Variants in ADGRV1 observed in about 807,000 individuals in gnomAD.
The protein encoded by ADGRV1 is adhesion G protein-coupled receptor V1, also known as G-protein coupled receptor 98.
ADGRV1 carries 359 observed loss-of-function variants against 596.2 expected under a neutral mutation model. The observed-to-expected ratio is 0.60, with a 90% CI of 0.55 to 0.66. The LOEUF (loss-of-function observed/expected upper bound fraction) is 0.66, where lower values mean the gene tolerates loss of function less well. Among genes scored for constraint, ADGRV1 ranks in the 30% least tolerant of loss-of-function variants. The pLI is 0.00. For missense variants in ADGRV1, 7,274 were observed against 7,575.6 expected, an observed-to-expected ratio of 0.96 and a Z score of 1.48; for synonymous variants, 2,681 against 2,679.2, an observed-to-expected ratio of 1.00 and a Z score of -0.02.
Position 90,900,517 on chromosome 5 carries a change from A to G in ADGRV1, c.17856+36660A>G, listed in dbSNP as rs143920885. Among the ~76,000 whole-genome samples, 1,244 of 152,236 alleles carry G rather than the reference A, an allele frequency of 8.2e-3. 11 individuals carry two copies. Among genetic ancestry groups the G allele is most frequent in the Non-Finnish European group, 0.013 (871 of 68,028 alleles). ...TGCTTTTTCATTTGCTTAGGTTTTT[A>G]AAATTTAAATAAATTGCCACAATTT... On this transcript the variant is annotated intron_variant, in intron 83 of 89. Transcript: ENST00000405460.
At chr5:90,672,784 T>C in intron 22 of ADGRV1, 62 bp downstream of exon 22, 1 of 1,230,786 alleles carries the variant, frequency 8.1e-7, no homozygotes, top group Non-Finnish European at 1.1e-6. Flanking sequence ...GAAGTGTTTG[T>C]TCTGTAATTT....
chr5:91,070,432 T>C (rs867776134), intron 85 of ADGRV1, among the ~76,000 whole-genome samples: 68 of 152,322 alleles, frequency 4.5e-4, no homozygotes, highest in African/African-American at 1.5e-3. Flanking sequence ...TTTGTAGATA[T>C]TATATTTTGG....
chr5:90,877,022 G>A (rs1472219329), intron 83 of ADGRV1, among the ~76,000 whole-genome samples: 1 of 152,192 alleles, frequency 6.6e-6, no homozygotes, highest in Admixed American at 6.5e-5. Flanking sequence ...TATAATAGCA[G>A]TCTGTACAGC....
chr5:90,610,912 G>T (rs1409953117), intron 1 of ADGRV1, among the ~76,000 whole-genome samples: 2 of 151,966 alleles, frequency 1.3e-5, no homozygotes, highest in African/African-American at 2.4e-5. Flanking sequence ...TTTCCAGACT[G>T]TGGGAGAACT....
chr5:90,900,393 TA>T (rs1282348133), intron 83 of ADGRV1, among the ~76,000 whole-genome samples: 4 of 151,970 alleles, frequency 2.6e-5, no homozygotes, highest in African/African-American at 9.7e-5. Flanking sequence ...TATAGGTTTG[TA>T]TATCAAAACA....
chr5:90,756,839 T>G, intron 56 of ADGRV1, 140 bp from the exon 57 acceptor site: 2 of 765,726 alleles, frequency 2.6e-6, no homozygotes, highest in Non-Finnish European at 4.1e-6. Context: ...GAAGACCTTT[T>G]ATGCATACTT....
At chr5:90,906,742 C>T (rs980204176) in intron 83 of ADGRV1, among the ~76,000 whole-genome samples, 1 of 151,940 alleles carries the variant, frequency 6.6e-6, no homozygotes, top group Non-Finnish European at 1.5e-5. Flanking sequence ...TATTGCTGCT[C>T]TCTTCTTTAT....
intron 76 of ADGRV1, among the ~76,000 whole-genome samples, chr5:90,828,009 GT>G (rs1764205353): frequency 6.6e-6 from 1 of 152,170 alleles, no homozygotes; most frequent in African/African-American, 2.4e-5. Flanking sequence ...GCTCCTTTGA[GT>G]TATGCCAGAT....
chr5:90,824,544 T>C (rs1397519730), intron 76 of ADGRV1, among the ~76,000 whole-genome samples: 1 of 152,258 alleles, frequency 6.6e-6, no homozygotes, highest in Non-Finnish European at 1.5e-5. Flanking sequence ...ATCACATCAT[T>C]GTTTTTTGCT....
At chr5:90,972,347 C>A (rs1176337077) in intron 84 of ADGRV1, among the ~76,000 whole-genome samples, 3 of 152,108 alleles carry the variant, frequency 2.0e-5, no homozygotes, top group African/African-American at 7.2e-5. Flanking sequence ...CTGCACCAAG[C>A]GGATCTAATA....
intron 85 of ADGRV1, among the ~76,000 whole-genome samples, chr5:91,047,091 A>G (rs1417492765): frequency 1.3e-5 from 2 of 152,182 alleles, no homozygotes; most frequent in African/African-American, 4.8e-5. Flanking sequence ...TACAACCACT[A>G]TGAAAAACAA....
intron 53 of ADGRV1, among the ~76,000 whole-genome samples, chr5:90,751,778 T>G (rs1015230462): frequency 6.6e-6 from 1 of 152,198 alleles, no homozygotes; most frequent in African/African-American, 2.4e-5. Flanking sequence ...GGTTTCTGTA[T>G]TATTTCAAAC....
chr5:90,601,092 G>GC (rs1761347061), intron 1 of ADGRV1, among the ~76,000 whole-genome samples: 1 of 152,030 alleles, frequency 6.6e-6, no homozygotes, highest in South Asian at 2.1e-4. Context: ...ACAATAATTA[G>GC]CCGGGCGTGG....
At chr5:90,677,857 C>G (rs528698698) in intron 25 of ADGRV1, among the ~76,000 whole-genome samples, 18 of 152,264 alleles carry the variant, frequency 1.2e-4, no homozygotes, top group African/African-American at 3.6e-4. Context: ...TACTCCTGGA[C>G]TCATATGTAG....
intron 85 of ADGRV1, among the ~76,000 whole-genome samples, chr5:91,018,661 A>G (rs77344893): frequency 0.012 from 1,804 of 152,126 alleles, 30 homozygotes; most frequent in African/African-American, 0.036. Context: ...TCCTTTTGTT[A>G]AATAGTCACA....
At chr5:91,141,733 T>A (rs1211533841) in intron 87 of ADGRV1, among the ~76,000 whole-genome samples, 1 of 152,194 alleles carries the variant, frequency 6.6e-6, no homozygotes, top group East Asian at 1.9e-4. Context: ...GCTAAGTCAT[T>A]GGTGATGCAA....
chr5:90,799,483 C>T (rs1277566898), intron 70 of ADGRV1, among the ~76,000 whole-genome samples: 5 of 152,110 alleles, frequency 3.3e-5, no homozygotes, highest in East Asian at 1.9e-4. Flanking sequence ...GAATTAATAT[C>T]GTTAAAATGG....
chr5:91,135,986 G>A (rs953372085), intron 87 of ADGRV1, among the ~76,000 whole-genome samples: 3 of 152,086 alleles, frequency 2.0e-5, no homozygotes, highest in South Asian at 2.1e-4. Context: ...ACAAGTCCAC[G>A]GGGCAAACCT....
intron 74 of ADGRV1, among the ~76,000 whole-genome samples, chr5:90,812,418 ATAATT>A (rs1762523995): frequency 1.3e-5 from 2 of 152,346 alleles, no homozygotes; most frequent in African/African-American, 2.4e-5. Flanking sequence ...GCAGTGTAGA[ATAATT>A]TAATCAAGCT....
Sources: allele counts gnomAD v4.1 joint callset (sites outside exome capture counted in the v4.1 genomes callset), GRCh38; gene constraint gnomAD v4.1.1; transcripts MANE v1.5; gene names NCBI Gene and HGNC (gene_info 2026-07-23, HGNC 2026-07-21).